GALNT17: variants seen among roughly 807,000 people sequenced by gnomAD.
GALNT17 encodes the protein UDP-GalNAc:polypeptide N-acetylgalactosaminyltransferase-like 3.
A neutral mutation model predicts 63.7 loss-of-function variants in GALNT17; 29 were observed. That is an observed-to-expected ratio of 0.46 (90% CI 0.34 to 0.62). GALNT17 has a LOEUF of 0.62. Among genes scored for constraint, GALNT17 ranks in the 20% least tolerant of loss-of-function variants. GALNT17 has a pLI of 0.01. For synonymous variants in GALNT17, 305 were observed against 318.3 expected (o/e 0.96, Z 0.45); for missense variants, 603 against 799.6 (o/e 0.75, Z 2.97).
intron 5 of GALNT17, among the ~76,000 whole-genome samples, chr7:71,486,334 AAATAATAATAATAATAATAATAATAAT>A (rs68046826): frequency 0.039 from 5,165 of 133,340 alleles, 178 homozygotes; most frequent in African/African-American, 0.091. Flanking sequence ...GCCTGTCTGA[AAATAATAATAATAATAATAATAATAAT>A]AATAATAATA....
chr7:71,518,574 G>A (rs745759355), intron 5 of GALNT17, among the ~76,000 whole-genome samples: 17 of 152,188 alleles, frequency 1.1e-4, no homozygotes, highest in South Asian at 6.2e-4. Context: ...TTGAGATTGT[G>A]ATTTCCAGAA....
At chr7:71,250,795 G>A (rs998601530) in intron 1 of GALNT17, among the ~76,000 whole-genome samples, 7 of 152,176 alleles carry the variant, frequency 4.6e-5, no homozygotes, top group African/African-American at 1.7e-4. Flanking sequence ...AGGCTGAAAC[G>A]TGGGAAAAAC....
intron 1 of GALNT17, among the ~76,000 whole-genome samples, chr7:71,320,952 C>T (rs1359805383): frequency 1.3e-5 from 2 of 152,132 alleles, no homozygotes; most frequent in African/African-American, 4.8e-5. Flanking sequence ...GGTGAAGGTT[C>T]GTGTCCCACT....
intron 9 of GALNT17, among the ~76,000 whole-genome samples, chr7:71,703,977 G>T (rs959339639): frequency 6.6e-6 from 1 of 152,188 alleles, no homozygotes; most frequent in Admixed American, 6.5e-5. Context: ...TAAAAATCTA[G>T]ACTCTGGCAG....
intron 1 of GALNT17, among the ~76,000 whole-genome samples, chr7:71,182,783 T>C (rs992240313): frequency 3.3e-5 from 5 of 152,228 alleles, no homozygotes; most frequent in African/African-American, 1.2e-4. Flanking sequence ...GGGATTACGT[T>C]ATGCTCATTT....
At chr7:71,570,366 A>G (rs1203541194) in intron 5 of GALNT17, among the ~76,000 whole-genome samples, 1 of 151,972 alleles carries the variant, frequency 6.6e-6, no homozygotes, top group Non-Finnish European at 1.5e-5. Flanking sequence ...TCCCTTCTCT[A>G]AAGACCCCAC....
At chr7:71,367,693 T>G (rs1198536694) in intron 2 of GALNT17, among the ~76,000 whole-genome samples, 2 of 152,324 alleles carry the variant, frequency 1.3e-5, no homozygotes, top group African/African-American at 2.4e-5. Flanking sequence ...AAATTTAATT[T>G]CAGGGGTCAA....
chr7:71,254,978 T>A (rs1352412332), intron 1 of GALNT17, among the ~76,000 whole-genome samples: 4 of 152,220 alleles, frequency 2.6e-5, no homozygotes, highest in Non-Finnish European at 5.9e-5. Context: ...AAGAGAAGAT[T>A]TCATTCATTG....
intron 1 of GALNT17, among the ~76,000 whole-genome samples, chr7:71,140,701 G>T (rs180828445): frequency 2.0e-5 from 3 of 152,296 alleles, no homozygotes; most frequent in African/African-American, 4.8e-5. Flanking sequence ...AACAACCTAC[G>T]ATTAGATGAC....
intron 1 of GALNT17, among the ~76,000 whole-genome samples, chr7:71,183,423 G>A (rs147826542): frequency 2.0e-5 from 3 of 152,178 alleles, no homozygotes; most frequent in Non-Finnish European, 4.4e-5. Flanking sequence ...TCCCACTCTC[G>A]CATTTTTGAG....
intron 5 of GALNT17, among the ~76,000 whole-genome samples, chr7:71,503,548 T>C (rs1210042007): frequency 1.3e-5 from 2 of 152,136 alleles, no homozygotes; most frequent in African/African-American, 4.8e-5. Flanking sequence ...ATATCACTTT[T>C]CTGAGCTCCT....
At chr7:71,594,928 ACT>A (rs1218093619) in intron 6 of GALNT17, among the ~76,000 whole-genome samples, 3 of 152,090 alleles carry the variant, frequency 2.0e-5, no homozygotes, top group Non-Finnish European at 4.4e-5. Context: ...GGACATAGAG[ACT>A]CTGCAGATGT....
rs754558598 is a variant in GALNT17, at chr7:71,665,584, C to A, written c.1254C>A (p.Asn418Lys). ...DYKSHVYIAW[N>K]LPLENPGIDI... ...AGTCTCATGTGTACATAGCGTGGAA[C>A]CTGCCGCTGGAGGTAGGGATCACCA... Residue 418 changes from asparagine to lysine, a missense_variant, in exon 7 of 11, where the codon AAC becomes AAA. Asn to Lys is a moderately conservative substitution (Grantham distance 94). This residue lies in a region of GALNT17 where 336 missense variants were observed against 507.8 expected (regional missense o/e 0.66). Transcript: ENST00000333538. 6.2e-7 allele frequency: 1 copy of A among 1,612,910 alleles called. No individual in the cohort carries two copies. The highest frequency in any genetic ancestry group is 8.5e-7 in the Non-Finnish European group (1 of 1,179,698).
intron 9 of GALNT17, among the ~76,000 whole-genome samples, chr7:71,681,330 A>C (rs1403206116): frequency 6.6e-6 from 1 of 152,222 alleles, no homozygotes; most frequent in African/African-American, 2.4e-5. Flanking sequence ...TGATATGTTT[A>C]GACTGCCTAC....
intron 5 of GALNT17, among the ~76,000 whole-genome samples, chr7:71,439,186 C>A (rs912452799): frequency 6.6e-6 from 1 of 152,132 alleles, no homozygotes; most frequent in African/African-American, 2.4e-5. Flanking sequence ...TGAACCACTG[C>A]GCCCAGCCAG....
At chr7:71,425,681 C>T (rs1786747184) in intron 5 of GALNT17, among the ~76,000 whole-genome samples, 1 of 148,966 alleles carries the variant, frequency 6.7e-6, no homozygotes, top group African/African-American at 2.6e-5. Flanking sequence ...CTTGCCTTTA[C>T]ACTCAACTCC....
chr7:71,303,309 A>G (rs888722774), intron 1 of GALNT17, among the ~76,000 whole-genome samples: 4 of 151,984 alleles, frequency 2.6e-5, no homozygotes, highest in South Asian at 4.2e-4. Flanking sequence ...GAACACCACT[A>G]CACCCAGCTA....
intron 6 of GALNT17, among the ~76,000 whole-genome samples, chr7:71,648,209 TC>T (rs1363535585): frequency 6.6e-6 from 1 of 152,140 alleles, no homozygotes; most frequent in Non-Finnish European, 1.5e-5. Context: ...TAATGAGTGT[TC>T]CATACATTAT....
Position 71,415,903 on chromosome 7 carries a change from C to G in GALNT17, c.604C>G (p.Pro202Ala), listed in dbSNP as rs778681691. 5.0e-6 allele frequency: 8 copies of G among 1,585,518 alleles called. No homozygotes were observed. The highest frequency in any genetic ancestry group is 6.9e-6 in the Non-Finnish European group (8 of 1,166,862). Residue 202 changes from proline (P) to alanine (A), a missense_variant, in exon 4 of 11, where the codon CCC becomes GCC. Transcript: ENST00000333538. The stretch of plus-strand genomic sequence containing the variant: ...GTCATTTGCAGAGGAGCTGAAGGTC[C>G]CCCTAGAGGAGTATGTCCACAAACG... ...DNSDEEELKV[P>A]LEEYVHKRYP...
Sources: gnomAD v4.1 joint callset for allele counts (sites outside exome capture counted in the v4.1 genomes callset) on GRCh38, gnomAD v4.1.1 for gene constraint, gnomAD v4.1.1 regional missense constraint, MANE v1.5 for transcripts, NCBI Gene and HGNC (gene_info 2026-07-23, HGNC 2026-07-21) for gene names.